CAND1: variants seen among roughly 807,000 people sequenced by gnomAD.
CAND1 encodes cullin-associated NEDD8-dissociated protein 1.
CAND1 carries 7 observed loss-of-function variants against 108.5 expected under a neutral mutation model. The ratio of observed to expected loss-of-function variants is 0.06; its 90% CI spans 0.04 to 0.12. The LOEUF (loss-of-function observed/expected upper bound fraction) is 0.12, where lower values mean the gene tolerates loss of function less well. Among genes scored for constraint, CAND1 ranks in the 10% least tolerant of loss-of-function variants. The pLI is 1.00. For missense variants in CAND1, 941 were observed against 1,448.7 expected (o/e 0.65, Z 5.69); for synonymous variants, 534 against 512.0 (o/e 1.04, Z -0.58).
In CAND1 at chr12:67,313,922, G is replaced by C. The variant is rs937286269; in HGVS notation, c.*1092G>C. On this transcript the variant is annotated 3_prime_UTR_variant, in exon 15 of 15. Coordinates refer to ENST00000545606, the MANE Select transcript of CAND1 (RefSeq NM_018448.5). ...TGAGTTAGGTTTTTCCCCATCTCCTGTAGAGCGAATTTACATATTGTATTG... is the reference window on the plus strand; with the variant it reads ...TGAGTTAGGTTTTTCCCCATCTCCTCTAGAGCGAATTTACATATTGTATTG... 3 of 152,568 alleles carry C rather than the reference G, an allele frequency of 2.0e-5. No homozygotes were observed. The highest frequency in any genetic ancestry group is 4.4e-5 in the Non-Finnish European group (3 of 67,994). 9.5% of individuals were successfully genotyped at this position (152,568 alleles called of 1,614,324 possible).
At chr12:67,300,112 G>A (rs2044809733) in intron 7 of CAND1, among the ~76,000 whole-genome samples, 1 of 152,080 alleles carries the variant, frequency 6.6e-6, no homozygotes, top group African/African-American at 2.4e-5. Flanking sequence ...GTTTGACTCT[G>A]CCTATCGTAT....
chr12:67,277,396 A>C (rs1473636597), intron 1 of CAND1, among the ~76,000 whole-genome samples: 1 of 152,166 alleles, frequency 6.6e-6, no homozygotes, highest in Admixed American at 6.5e-5. Flanking sequence ...TTAACATTGA[A>C]TTCACAGCCA....
At position 67,313,664 on chromosome 12, in the gene CAND1, A is replaced by G. The variant is rs538965888; in HGVS notation, c.*834A>G. The G allele has an allele frequency of 6.5e-6, 1 of 152,688 alleles. No homozygotes were observed. The highest frequency in any genetic ancestry group is 1.9e-4 in the East Asian group (1 of 5,186). The allele number at this position is 152,688 out of a possible 1,614,324, so 9.5% of individuals were successfully genotyped here. On this transcript the variant is annotated 3_prime_UTR_variant, in exon 15 of 15. Transcript: ENST00000545606. The stretch of plus-strand genomic sequence containing the variant: ...TAACAATTTGCCACTTTTTTCTATT[A>G]TAAATCTTCTTACTTAAATTTTGAA...
Position 67,310,304 on chromosome 12 carries a change from T to C in CAND1, c.3348T>C (p.His1116=), listed in dbSNP as rs369973513. The C allele has an allele frequency of 1.9e-6, 3 of 1,605,978 alleles. No individual in the cohort carries two copies. Among genetic ancestry groups the C allele is most frequent in the Middle Eastern group, 1.7e-4 (1 of 5,982 alleles). The stretch of plus-strand genomic sequence containing the variant: ...ATGTTGAAGATGGTTTGAAGGACCA[T>C]TATGATATTAAGGTAAGATGTTTGT... ...LNHVEDGLKD[H]YDIKMLTFLM... The change falls in exon 13 of 15, where the codon CAT becomes CAC. Residue 1116 remains histidine, a synonymous_variant. Transcript: ENST00000545606.
At position 67,312,940 on chromosome 12, in the gene CAND1, CT is replaced by C. The variant is rs1179153622; in HGVS notation, c.*118del. 3.7e-5 allele frequency: 24 copies of C among 646,156 alleles called. No homozygotes were observed. The highest frequency in any genetic ancestry group is 1.1e-4 in the South Asian group (4 of 37,272). The allele number at this position is 646,156 out of a possible 1,614,324, so 40.0% of individuals were successfully genotyped here. A position where few individuals can be genotyped will look rare whatever the true frequency, so the allele number is the denominator to read the frequency against. ...TGTCTAAAAGCTTCAAAATGTTCCA[CT>C]TTTTTTTCCTTCATGGAGACTGTTT... is the stretch of plus-strand genomic sequence containing the variant. On this transcript the variant is annotated 3_prime_UTR_variant, in exon 15 of 15. Transcript: ENST00000545606.
In CAND1 at chr12:67,302,304, C is replaced by T; in HGVS notation, c.1001-19C>T. 18 of 1,597,748 alleles carry T rather than the reference C, an allele frequency of 1.1e-5. No homozygotes were observed. Among genetic ancestry groups the T allele is most frequent in the Non-Finnish European group, 1.5e-5 (18 of 1,169,756 alleles). ...TCTCTTGTCATTAATAGCCTGTTTA[C>T]ATTAAAACTTACCCTTAGGGAGTGA... On this transcript the variant is annotated intron_variant, in intron 7 of 14. Coordinates refer to ENST00000545606, the MANE Select transcript of CAND1 (RefSeq NM_018448.5).
chr12:67,282,221 G>A, intron 2 of CAND1, 168 bp downstream of exon 2: 1 of 593,666 alleles, frequency 1.7e-6, no homozygotes, highest in South Asian at 2.2e-5. Context: ...GGTATATATA[G>A]TGTATTTCCT....
chr12:67,306,171 C>A lies in CAND1; in HGVS notation c.2503C>A (p.Arg835Ser). The change falls in exon 10 of 15, where the codon CGT becomes AGT. Residue 835 changes from arginine (R) to serine (S), a missense_variant. Arg to Ser is a moderately radical substitution (Grantham distance 110). This residue lies in a region of CAND1 where 697 missense variants were observed against 942.0 expected (regional missense o/e 0.74). Coordinates refer to ENST00000545606, the MANE Select transcript of CAND1 (RefSeq NM_018448.5). ...VKNSRSTDSI[R>S]LLALLSLGEV... The stretch of plus-strand genomic sequence containing the variant: ...GAACTCAAGGTCTACAGATTCCATT[C>A]GTCTCTTAGCTCTACTTTCTCTTGG... The A allele has an allele frequency of 6.2e-7, 1 of 1,614,076 alleles. No homozygotes were observed. The highest frequency in any genetic ancestry group is 1.7e-5 in the Admixed American group (1 of 60,016).
Position 67,306,719 on chromosome 12 carries a change from A to T in CAND1, c.2929+122A>T. ...CTTAAACCTAAAAGCTAAGTATGTG[A>T]TGAAGAAAAACTGTCTTTCGTAGTA... On this transcript the variant is annotated intron_variant, in intron 10 of 14. Coordinates refer to ENST00000545606, the MANE Select transcript of CAND1 (RefSeq NM_018448.5). 4.2e-6 allele frequency: 3 copies of T among 710,544 alleles called. No homozygotes were observed. In the South Asian group the frequency reaches 6.3e-5, roughly 15 times the overall value. The allele number at this position is 710,544 out of a possible 1,614,324, so 44.0% of individuals were successfully genotyped here. A position where few individuals can be genotyped will look rare whatever the true frequency, so the allele number is the denominator to read the frequency against.
At chr12:67,297,171 G>T (rs1252471558) in intron 4 of CAND1, 2 of 578,892 alleles carry the variant, frequency 3.5e-6, no homozygotes, top group African/African-American at 3.8e-5. Context: ...GGGGATTTAG[G>T]TCTAGATTCC....
chr12:67,270,954 C>T (rs908977661), intron 1 of CAND1, among the ~76,000 whole-genome samples: 1 of 151,992 alleles, frequency 6.6e-6, no homozygotes, highest in African/African-American at 2.4e-5. Flanking sequence ...AAAATGTGTC[C>T]AAACCGTGTG....
chr12:67,285,869 T>G (rs1176135637), intron 2 of CAND1, among the ~76,000 whole-genome samples: 1 of 152,254 alleles, frequency 6.6e-6, no homozygotes, highest in African/African-American at 2.4e-5. Context: ...TCATGCCTTT[T>G]TATTAATGAT....
rs1204388467 is a variant in CAND1, at chr12:67,318,827, A to T, written c.*5997A>T. Reference sequence around the variant, plus strand: ...AAATTCTGCTGTATGAGAGGTATACACGGGATACTGGGGGTTAATAATTGA... The same window carrying T: ...AAATTCTGCTGTATGAGAGGTATACTCGGGATACTGGGGGTTAATAATTGA... On this transcript the variant is annotated 3_prime_UTR_variant, in exon 15 of 15. Coordinates refer to ENST00000545606, the MANE Select transcript of CAND1 (RefSeq NM_018448.5). 4 of 152,210 alleles carry T rather than the reference A, an allele frequency of 2.6e-5. No homozygotes were observed. Among genetic ancestry groups the T allele is most frequent in the Non-Finnish European group, 5.9e-5 (4 of 68,048 alleles). The allele number at this position is 152,210 out of a possible 1,614,324, so 9.4% of individuals were successfully genotyped here.
chr12:67,307,784 A>G (rs1592624651), intron 11 of CAND1, among the ~76,000 whole-genome samples: 1 of 152,142 alleles, frequency 6.6e-6, no homozygotes, highest in East Asian at 1.9e-4. Context: ...GCTTTAGTGG[A>G]TAAAGCAAAA....
At chr12:67,291,304 A>G (rs1055539083) in intron 2 of CAND1, among the ~76,000 whole-genome samples, 1 of 152,234 alleles carries the variant, frequency 6.6e-6, no homozygotes, top group African/African-American at 2.4e-5. Flanking sequence ...ACAACCAGTT[A>G]CTTTATGCTT....
Position 67,305,032 on chromosome 12 carries a change from A to T in CAND1, c.1436-72A>T. 7.9e-7 allele frequency: 1 copy of T among 1,266,302 alleles called. No individual in the cohort carries two copies. 78.4% of individuals were successfully genotyped at this position (1,266,302 alleles called of 1,614,324 possible). On this transcript the variant is annotated intron_variant, in intron 9 of 14. Transcript: ENST00000545606. This position sits in a 1 kb window ranked among gnomAD's most constrained non-coding sequence, Gnocchi z 4.4. ...GAAGTGGGAACATTAGCAGTACTAT[A>T]GGGGTTGATTTTTAATTTTTCTTTC...
chr12:67,314,327 A>G lies in CAND1; in HGVS notation c.*1497A>G, dbSNP rs2044986029. ...ATACAGTGATTTTAAATGATAACAT[A>G]CTGTGGTTATTAGATTAACAGCTTG... On this transcript the variant is annotated 3_prime_UTR_variant, in exon 15 of 15. Coordinates refer to ENST00000545606, the MANE Select transcript of CAND1 (RefSeq NM_018448.5). 6.6e-6 allele frequency: 1 copy of G among 152,188 alleles called. No homozygotes were observed. Among genetic ancestry groups the G allele is most frequent in the African/African-American group, 2.4e-5 (1 of 41,450 alleles). The allele number at this position is 152,188 out of a possible 1,614,324, so 9.4% of individuals were successfully genotyped here. A position where few individuals can be genotyped will look rare whatever the true frequency, so the allele number is the denominator to read the frequency against.
intron 10 of CAND1, 119 bp downstream of exon 10, chr12:67,306,716 G>A: frequency 1.4e-6 from 1 of 725,558 alleles, no homozygotes; most frequent in Non-Finnish European, 2.2e-6. Flanking sequence ...AGCTAAGTAT[G>A]TGATGAAGAA....
At chr12:67,280,690 A>G (rs1055055842) in intron 1 of CAND1, among the ~76,000 whole-genome samples, 2 of 152,214 alleles carry the variant, frequency 1.3e-5, no homozygotes, top group African/African-American at 4.8e-5. Context: ...TTTTAAAACA[A>G]TGAATTGTTT....
Sources: gnomAD v4.1 joint callset for allele counts (sites outside exome capture counted in the v4.1 genomes callset) on GRCh38, gnomAD v4.1.1 for gene constraint, gnomAD v4.1.1 regional missense constraint, Gnocchi (gnomAD v3.1) non-coding constraint, MANE v1.5 for transcripts, NCBI Gene and HGNC (gene_info 2026-07-23, HGNC 2026-07-21) for gene names.